KIAA0753: variants seen among roughly 807,000 people sequenced by gnomAD.
KIAA0753 encodes the protein KIAA0753.
KIAA0753 carries 114 observed loss-of-function variants against 116.9 expected under a neutral mutation model. The observed-to-expected ratio is 0.98, with a 90% CI of 0.84 to 1.14. KIAA0753 has a LOEUF of 1.14. Ranked by LOEUF, KIAA0753 falls within the 50% of genes most tolerant of loss-of-function variation. The pLI, the probability that KIAA0753 is intolerant of heterozygous loss-of-function variation, is 0.00. For missense variants in KIAA0753, 1,156 were observed against 1,172.4 expected (o/e 0.99, Z 0.20); for synonymous variants, 405 against 413.1 (o/e 0.98, Z 0.24).
intron 7 of KIAA0753, 44 bp from the exon 8 acceptor site, chr17:6,612,192 C>G (rs759850396): frequency 7.1e-7 from 1 of 1,407,784 alleles, no homozygotes; most frequent in Non-Finnish European, 1.0e-6. Flanking sequence ...AAATGCTATT[C>G]AAATCAAATT....
At chr17:6,602,461 C>A (rs1969938292) in intron 12 of KIAA0753, among the ~76,000 whole-genome samples, 1 of 152,208 alleles carries the variant, frequency 6.6e-6, no homozygotes, top group African/African-American at 2.4e-5. Context: ...TGCTGATACA[C>A]ACACAATGTG....
At chr17:6,612,342 G>A (rs938554609) in intron 7 of KIAA0753, among the ~76,000 whole-genome samples, 194 bp from the exon 8 acceptor site, 1 of 152,098 alleles carries the variant, frequency 6.6e-6, no homozygotes, top group Non-Finnish European at 1.5e-5. Flanking sequence ...TAGGTGTCAC[G>A]GTTGACTCCC....
At chr17:6,611,768 T>A (rs1425517884) in intron 8 of KIAA0753, 151 bp downstream of exon 8, 6 of 635,718 alleles carry the variant, frequency 9.4e-6, no homozygotes, top group African/African-American at 3.7e-5. Context: ...TTGTTATTTT[T>A]TTGTTAAAAT....
chr17:6,632,889 C>A (rs1972094634), intron 2 of KIAA0753, among the ~76,000 whole-genome samples: 1 of 152,172 alleles, frequency 6.6e-6, no homozygotes, highest in African/African-American at 2.4e-5. Context: ...AACCTAAAAA[C>A]AGACTCAGAA....
intron 14 of KIAA0753, among the ~76,000 whole-genome samples, chr17:6,598,833 G>C (rs1489466597): frequency 6.6e-6 from 1 of 152,170 alleles, no homozygotes; most frequent in African/African-American, 2.4e-5. Context: ...AAACATGCTT[G>C]CTTAACAATA....
intron 7 of KIAA0753, 151 bp from the exon 8 acceptor site, chr17:6,612,299 A>G (rs1567565454): frequency 9.5e-6 from 6 of 633,788 alleles, no homozygotes; most frequent in Non-Finnish European, 1.6e-5. Context: ...TCCTCCTCCT[A>G]TGAATATTAC....
At chr17:6,600,561 G>C in intron 12 of KIAA0753, 103 bp from the exon 13 acceptor site, 1 of 827,288 alleles carries the variant, frequency 1.2e-6, no homozygotes, top group Non-Finnish European at 1.9e-6. Context: ...ATGACCACGA[G>C]CTTCTCTAAC....
rs1970416551 is a variant in KIAA0753 at position 6,609,842 on chromosome 17, C to A, written c.1712+152G>T. The A allele has an allele frequency of 3.6e-6, 3 of 832,320 alleles. No homozygotes were observed. In the African/African-American group the frequency reaches 5.1e-5, roughly 14 times the overall value. 51.6% of individuals were successfully genotyped at this position (832,320 alleles called of 1,614,324 possible). On this transcript the variant is annotated intron_variant, in intron 9 of 18. Transcript: ENST00000361413. The stretch of plus-strand genomic sequence containing the variant: ...CCAACAAGCTTCCAGACAAAGACTT[C>A]TCATGTATGACTCACCCAAAAAAGG...
At chr17:6,605,487 A>G (rs1970137018) in intron 12 of KIAA0753, among the ~76,000 whole-genome samples, 1 of 152,206 alleles carries the variant, frequency 6.6e-6, no homozygotes, top group South Asian at 2.1e-4. Context: ...TCATGAAAGC[A>G]CAAATCAGAT....
intron 2 of KIAA0753, among the ~76,000 whole-genome samples, chr17:6,634,573 G>C (rs539287389): frequency 6.6e-6 from 1 of 152,308 alleles, no homozygotes; most frequent in South Asian, 2.1e-4. Flanking sequence ...AAATATAATG[G>C]AATCTAGGTG....
intron 16 of KIAA0753, among the ~76,000 whole-genome samples, chr17:6,593,647 G>A (rs1434669000): frequency 2.0e-5 from 3 of 152,232 alleles, no homozygotes; most frequent in Admixed American, 2.0e-4. Context: ...CAGCACTGTG[G>A]GAGGCCGAGG....
intron 8 of KIAA0753, among the ~76,000 whole-genome samples, chr17:6,610,854 C>T (rs1240679767): frequency 1.3e-5 from 2 of 152,108 alleles, no homozygotes; most frequent in East Asian, 1.9e-4. Flanking sequence ...ATCGAGAATG[C>T]GGGCTGTCTG....
intron 12 of KIAA0753, among the ~76,000 whole-genome samples, chr17:6,601,923 C>T (rs1969901942): frequency 6.6e-6 from 1 of 152,138 alleles, no homozygotes; most frequent in African/African-American, 2.4e-5. Context: ...GCAAGGGGCT[C>T]ATATCCAGAA....
At chr17:6,636,614 G>A (rs1307777881) in intron 1 of KIAA0753, among the ~76,000 whole-genome samples, 4 of 151,956 alleles carry the variant, frequency 2.6e-5, no homozygotes, top group Non-Finnish European at 5.9e-5. Flanking sequence ...ACTGCTCCAG[G>A]AAACGTCCCA....
At chr17:6,586,750 GT>G (rs552184621) in intron 18 of KIAA0753, among the ~76,000 whole-genome samples, 2 of 152,126 alleles carry the variant, frequency 1.3e-5, no homozygotes, top group Non-Finnish European at 2.9e-5. Flanking sequence ...TTTGCATTCA[GT>G]TTATATCACC....
chr17:6,595,701 G>A (rs78792878), intron 15 of KIAA0753, among the ~76,000 whole-genome samples: 3,135 of 152,262 alleles, frequency 0.021, 104 homozygotes, highest in African/African-American at 0.07. Context: ...TAATCCAGGG[G>A]TTAGGCTGGG....
rs1284476501 is a variant in KIAA0753, at chr17:6,597,123, G to A, written c.2173-780C>T. ...GGAAATAATCTTGTATTTCAGAGCT[G>A]TAGGGATTTCATAAGAGCTTGCACG... On this transcript the variant is annotated intron_variant, in intron 14 of 18. Coordinates refer to ENST00000361413, the MANE Select transcript of KIAA0753 (RefSeq NM_014804.3). Among the ~76,000 whole-genome samples the A allele has an allele frequency of 2.6e-5, 4 of 152,336 alleles. No homozygotes were observed. In the East Asian group the frequency reaches 7.7e-4, roughly 29 times the overall value.
At chr17:6,601,616 G>GA (rs774316747) in intron 12 of KIAA0753, among the ~76,000 whole-genome samples, 2 of 152,158 alleles carry the variant, frequency 1.3e-5, no homozygotes, top group Non-Finnish European at 2.9e-5. Flanking sequence ...TAAAGAAAAT[G>GA]AATTTCGACC....
chr17:6,588,502 A>C (rs1219179432), intron 18 of KIAA0753, among the ~76,000 whole-genome samples: 1 of 152,130 alleles, frequency 6.6e-6, no homozygotes, highest in African/African-American at 2.4e-5. Context: ...CAGGAGAAAA[A>C]GTAAGGGTGG....
Sources: allele counts gnomAD v4.1 joint callset (sites outside exome capture counted in the v4.1 genomes callset), GRCh38; gene constraint gnomAD v4.1.1; transcripts MANE v1.5; gene names NCBI Gene and HGNC (gene_info 2026-07-23, HGNC 2026-07-21).